The following MACROH2A1 variants were observed in gnomAD, a reference collection of about 807,000 sequenced individuals.
MACROH2A1 encodes macroH2A.1 histone, also known as core histone macro-H2A.1.
Under a neutral mutation model 31.6 loss-of-function variants are expected in MACROH2A1, and 2 were observed. The ratio of observed to expected loss-of-function variants is 0.06; its 90% confidence interval spans 0.03 to 0.20. MACROH2A1 has a LOEUF of 0.20. Ranked by LOEUF, MACROH2A1 falls within the 10% of genes least tolerant of loss-of-function variation. The probability of loss-of-function intolerance (pLI) is 1.00; values close to 1 mark genes in which losing one functional copy is unlikely to be tolerated. For synonymous variants in MACROH2A1, 169 were observed against 189.6 expected (o/e 0.89, Z 0.89); for missense variants, 230 against 474.0 (o/e 0.49, Z 4.78).
intron 2 of MACROH2A1, among the ~76,000 whole-genome samples, chr5:135,376,822 C>T (rs1045407664): frequency 2.0e-5 from 3 of 152,212 alleles, no homozygotes; most frequent in Admixed American, 2.0e-4. Flanking sequence ...GAGGCTACAA[C>T]TGCACTGTTA....
intron 2 of MACROH2A1, 128 bp downstream of exon 2, chr5:135,388,794 C>T (rs1273383972): frequency 5.5e-6 from 4 of 728,590 alleles, no homozygotes; most frequent in Non-Finnish European, 8.8e-6. Flanking sequence ...GTTCCTTGTA[C>T]TCTTCTTGTA....
chr5:135,383,705 GTGTGTGT>G (rs1454318278), intron 2 of MACROH2A1, among the ~76,000 whole-genome samples: 2 of 98,030 alleles, frequency 2.0e-5, no homozygotes, highest in African/African-American at 1.4e-4. Context: ...GGTGTGGTGT[GTGTGTGT>G]GTGTGTGTGT....
chr5:135,385,577 T>C (rs1766284034), intron 2 of MACROH2A1, among the ~76,000 whole-genome samples: 1 of 152,140 alleles, frequency 6.6e-6, no homozygotes. Context: ...AGGCTGGTAC[T>C]CCAGTTTCTC....
rs143546048 is a variant in MACROH2A1, at chr5:135,339,628, T to C, written c.953+3632A>G. ...TATTCTTTGTCTGTCACTTAGGGTA[T>C]AGACATTCTTCTGCTAAGATTAGGT... On this transcript the variant is annotated intron_variant, in intron 8 of 8. Coordinates refer to ENST00000511689, the MANE Select transcript of MACROH2A1 (RefSeq NM_138610.3). Among the ~76,000 whole-genome samples the C allele has an allele frequency of 3.3e-5, 5 of 152,318 alleles. No individual in the cohort carries two copies. The East Asian group carries it at 7.7e-4, about 24-fold the overall frequency.
intron 5 of MACROH2A1, chr5:135,358,072 AG>A (rs754190863): frequency 6.1e-6 from 6 of 983,418 alleles, no homozygotes; most frequent in Admixed American, 6.1e-5. Flanking sequence ...CTAAAATCCA[AG>A]TCAAAATTAA....
At chr5:135,366,701 A>AGGGTGAG (rs1369136472) in intron 4 of MACROH2A1, among the ~76,000 whole-genome samples, 1 of 152,186 alleles carries the variant, frequency 6.6e-6, no homozygotes, top group Non-Finnish European at 1.5e-5. Context: ...GGGGAGAAGT[A>AGGGTGAG]GGGTGAGGGA....
At chr5:135,346,195 C>T (rs1760811711) in intron 6 of MACROH2A1, 138 bp from the exon 7 acceptor site, 1 of 656,486 alleles carries the variant, frequency 1.5e-6, no homozygotes, top group Non-Finnish European at 2.8e-6. Context: ...TAAGCCTTGG[C>T]TAAGTTAATA....
At chr5:135,338,536 G>A (rs955992202) in intron 8 of MACROH2A1, among the ~76,000 whole-genome samples, 4 of 152,300 alleles carry the variant, frequency 2.6e-5, no homozygotes, top group Admixed American at 6.5e-5. Context: ...GCAGTTACAC[G>A]GTGCTAACAA....
At chr5:135,360,216 T>C (rs947441970) in intron 5 of MACROH2A1, 19 of 446,622 alleles carry the variant, frequency 4.3e-5, no homozygotes, top group Non-Finnish European at 6.1e-5. Flanking sequence ...AAGCAGCTCC[T>C]CCTCCAGACT....
At chr5:135,351,543 A>ATTTTTTTTTTTTTTTTTTTTTTT (rs57605717) in intron 6 of MACROH2A1, 2 of 48,498 alleles carry the variant, frequency 4.1e-5, no homozygotes, top group Non-Finnish European at 8.0e-5. Context: ...TTATGGTTTA[A>ATTTTTTTTTTTTTTTTTTTTTTT]TTTTTTTTTT....
rs114611833 is a variant in MACROH2A1, at chr5:135,348,284, C to T, written c.689-2227G>A. Among the ~76,000 whole-genome samples the T allele has an allele frequency of 6.5e-3, 995 of 152,328 alleles. 9 individuals are homozygous for T. Among genetic ancestry groups the T allele is most frequent in the African/African-American group, 0.023 (956 of 41,566 alleles). ...GACTCTTGCTTTTTAGGCTTAACTT[C>T]AGGGTTAATCATAAAGCAATTGGCT... On this transcript the variant is annotated intron_variant, in intron 6 of 8. Coordinates refer to ENST00000511689, the MANE Select transcript of MACROH2A1 (RefSeq NM_138610.3).
At chr5:135,381,667 G>A (rs1185273967) in intron 2 of MACROH2A1, among the ~76,000 whole-genome samples, 1 of 152,186 alleles carries the variant, frequency 6.6e-6, no homozygotes, top group Non-Finnish European at 1.5e-5. Context: ...TTCTATAAAT[G>A]AAAATATGAC....
intron 1 of MACROH2A1, among the ~76,000 whole-genome samples, chr5:135,397,713 T>C (rs1308250746): frequency 1.3e-5 from 2 of 152,226 alleles, no homozygotes; most frequent in Non-Finnish European, 2.9e-5. Context: ...ATGTGTACAA[T>C]GGGTATTAAT....
At chr5:135,337,402 G>A (rs961300249) in intron 8 of MACROH2A1, among the ~76,000 whole-genome samples, 3 of 152,374 alleles carry the variant, frequency 2.0e-5, no homozygotes, top group African/African-American at 7.2e-5. Context: ...AGGTCCCAAG[G>A]GGTCTCCCTG....
At chr5:135,367,405 G>A (rs554376821) in intron 4 of MACROH2A1, among the ~76,000 whole-genome samples, 1 of 152,138 alleles carries the variant, frequency 6.6e-6, no homozygotes, top group Admixed American at 6.5e-5. Flanking sequence ...TTGAGTGGTC[G>A]AGTGATTATT....
At chr5:135,394,191 A>C (rs1767644154) in intron 1 of MACROH2A1, among the ~76,000 whole-genome samples, 1 of 152,186 alleles carries the variant, frequency 6.6e-6, no homozygotes, top group Non-Finnish European at 1.5e-5. Flanking sequence ...TGCTCCCTGC[A>C]CTGCAAACCA....
Position 135,369,844 on chromosome 5 carries a change from T to C in MACROH2A1, c.279+192A>G, listed in dbSNP as rs1219889042. The stretch of plus-strand genomic sequence containing the variant: ...TTCGGGAGAGCCAAATACCTTGTAT[T>C]ATCCTGCTTCCCCCAACACTCCCAA... On this transcript the variant is annotated intron_variant, in intron 3 of 8. Coordinates refer to ENST00000511689, the MANE Select transcript of MACROH2A1 (RefSeq NM_138610.3). The surrounding 1 kb of genome is among the most constrained non-coding windows in gnomAD (Gnocchi z 4.3). Among the ~76,000 whole-genome samples the C allele has an allele frequency of 1.3e-5, 2 of 152,174 alleles. No individual in the cohort carries two copies. The highest frequency in any genetic ancestry group is 2.9e-5 in the Non-Finnish European group (2 of 68,038).
At chr5:135,360,335 A>G in intron 5 of MACROH2A1, 162 bp downstream of exon 5, 1 of 611,300 alleles carries the variant, frequency 1.6e-6, no homozygotes. Context: ...CCTCCCCAGC[A>G]TCTAGCCCTC....
chr5:135,366,892 C>G (rs1763570715), intron 4 of MACROH2A1, among the ~76,000 whole-genome samples: 1 of 152,154 alleles, frequency 6.6e-6, no homozygotes, highest in South Asian at 2.1e-4. Context: ...TTGCCTGAAG[C>G]CACCCAAGTA....
Sources: allele counts gnomAD v4.1 joint callset (sites outside exome capture counted in the v4.1 genomes callset), GRCh38; gene constraint gnomAD v4.1.1; non-coding constraint Gnocchi (gnomAD v3.1); transcripts MANE v1.5; gene names NCBI Gene and HGNC (gene_info 2026-07-23, HGNC 2026-07-21).